NT5E: variants seen among roughly 807,000 people sequenced by gnomAD.
NT5E encodes 5'-nucleotidase ecto.
In NT5E, 53 loss-of-function variants were observed where a neutral mutation model predicts 55.1. The ratio of observed to expected loss-of-function variants is 0.96; its 90% CI spans 0.77 to 1.21. The LOEUF (loss-of-function observed/expected upper bound fraction) is 1.21. Ranked by LOEUF, NT5E falls within the 50% of genes most tolerant of loss-of-function variation. The probability of loss-of-function intolerance (pLI) is 0.00; values close to 1 mark genes in which losing one functional copy is unlikely to be tolerated. For missense variants in NT5E, 683 were observed against 724.3 expected (o/e 0.94, Z 0.65); for synonymous variants, 270 against 278.4 (o/e 0.97, Z 0.30).
At chr6:85,481,040 G>A (rs774552719) in intron 3 of NT5E, among the ~76,000 whole-genome samples, 8 of 152,090 alleles carry the variant, frequency 5.3e-5, no homozygotes, top group African/African-American at 1.4e-4. Context: ...CTCAGGCATC[G>A]CTGGCTTCTA....
chr6:85,477,532 G>A (rs1027763010), intron 3 of NT5E, among the ~76,000 whole-genome samples: 1 of 152,106 alleles, frequency 6.6e-6, no homozygotes, highest in Non-Finnish European at 1.5e-5. Flanking sequence ...TTTTCTTCAT[G>A]CTGCCATCAG....
intron 2 of NT5E, among the ~76,000 whole-genome samples, chr6:85,467,655 T>C (rs1310171982): frequency 6.6e-6 from 1 of 152,218 alleles, no homozygotes; most frequent in East Asian, 1.9e-4. Context: ...GCCAGAGTTT[T>C]ACCTCAATTT....
rs550823297 is a variant in NT5E, at chr6:85,473,606, T to C, written c.751+2181T>C. Among the ~76,000 whole-genome samples the C allele has an allele frequency of 9.5e-4, 145 of 152,274 alleles. 1 individual carries two copies. Among genetic ancestry groups the C allele is most frequent in the African/African-American group, 3.5e-3 (145 of 41,566 alleles). ...AAACACACAAACATATATGTGTGTG[T>C]GCGTTCACATACGAACATGCAAAAG... On this transcript the variant is annotated intron_variant, in intron 3 of 8. Coordinates refer to ENST00000257770, the MANE Select transcript of NT5E (RefSeq NM_002526.4).
intron 3 of NT5E, among the ~76,000 whole-genome samples, chr6:85,482,197 C>T (rs1046328658): frequency 1.3e-5 from 2 of 152,080 alleles, no homozygotes; most frequent in Non-Finnish European, 2.9e-5. Flanking sequence ...TACTTCAGTC[C>T]ATTGAAAACC....
intron 1 of NT5E, among the ~76,000 whole-genome samples, chr6:85,463,826 G>T (rs964479520): frequency 6.6e-6 from 1 of 152,020 alleles, no homozygotes; most frequent in African/African-American, 2.4e-5. Context: ...TGCAATAGAA[G>T]AAAAACTGGT....
chr6:85,473,352 C>T (rs1769356897), intron 3 of NT5E, among the ~76,000 whole-genome samples: 1 of 152,140 alleles, frequency 6.6e-6, no homozygotes, highest in Non-Finnish European at 1.5e-5. Flanking sequence ...GGTAAATGGC[C>T]TTAGCACAGG....
At chr6:85,478,125 A>C (rs1769473298) in intron 3 of NT5E, among the ~76,000 whole-genome samples, 1 of 152,140 alleles carries the variant, frequency 6.6e-6, no homozygotes, top group Non-Finnish European at 1.5e-5. Context: ...GGGTCCTTTC[A>C]GTAAACTTCT....
At chr6:85,493,594 G>A (rs896621455) in intron 8 of NT5E, among the ~76,000 whole-genome samples, 1 of 152,158 alleles carries the variant, frequency 6.6e-6, no homozygotes, top group Non-Finnish European at 1.5e-5. Context: ...TCTTTCTAGA[G>A]TCATCACAGA....
chr6:85,494,458 CA>C lies in NT5E; in HGVS notation c.*459del. The C allele has an allele frequency of 5.3e-6, 1 of 189,258 alleles. No homozygotes were observed. Among genetic ancestry groups the C allele is most frequent in the Non-Finnish European group, 1.1e-5 (1 of 90,554 alleles). 11.7% of individuals were successfully genotyped at this position (189,258 alleles called of 1,614,324 possible). A position where few individuals can be genotyped will look rare whatever the true frequency, so the allele number is the denominator to read the frequency against. Reference sequence around the variant, plus strand: ...CCTGTCAGATGAAAAAACTGAAGCTCAAAAAGGGTTGACTTGACCATACAGC... The same window carrying C: ...CCTGTCAGATGAAAAAACTGAAGCTCAAAAGGGTTGACTTGACCATACAGC... On this transcript the variant is annotated 3_prime_UTR_variant, in exon 9 of 9. Coordinates refer to ENST00000257770, the MANE Select transcript of NT5E (RefSeq NM_002526.4).
At chr6:85,490,102 G>A (rs748351053) in intron 6 of NT5E, among the ~76,000 whole-genome samples, 2 of 152,182 alleles carry the variant, frequency 1.3e-5, no homozygotes, top group African/African-American at 2.4e-5. Context: ...CTGATTTACT[G>A]TGAAAACCAA....
intron 6 of NT5E, 124 bp downstream of exon 6, chr6:85,489,723 C>A: frequency 1.4e-6 from 1 of 737,994 alleles, no homozygotes; most frequent in Non-Finnish European, 2.4e-6. Context: ...CAGCCATGTA[C>A]CAGAATGTCA....
chr6:85,494,281 TA>T lies in NT5E; in HGVS notation c.*280del. 3 of 430,760 alleles carry T rather than the reference TA, an allele frequency of 7.0e-6. No homozygotes were observed. The highest frequency in any genetic ancestry group is 5.9e-5 in the African/African-American group (3 of 50,580). 26.7% of individuals were successfully genotyped at this position (430,760 alleles called of 1,614,324 possible). A position where few individuals can be genotyped will look rare whatever the true frequency, so the allele number is the denominator to read the frequency against. ...TTTAATGAAATTTTACTAACAATTT[TA>T]AACCATATTTTTCTTCTTCATATCC... On this transcript the variant is annotated 3_prime_UTR_variant, in exon 9 of 9. Coordinates refer to ENST00000257770, the MANE Select transcript of NT5E (RefSeq NM_002526.4).
chr6:85,472,521 C>T (rs1769336301), intron 3 of NT5E, among the ~76,000 whole-genome samples: 1 of 152,210 alleles, frequency 6.6e-6, no homozygotes, highest in Non-Finnish European at 1.5e-5. Flanking sequence ...TCCTAATTCA[C>T]TTGAATGACT....
chr6:85,471,409 C>T lies in NT5E; in HGVS notation c.735C>T (p.Asn245=). 6.2e-7 allele frequency: 1 copy of T among 1,612,742 alleles called. No homozygotes were observed. The highest frequency in any genetic ancestry group is 8.5e-7 in the Non-Finnish European group (1 of 1,179,098). Residue 245 remains asparagine, a synonymous_variant, in exon 3 of 9, where the codon AAC becomes AAT. Transcript: ENST00000257770. Reference sequence around the variant, plus strand: ...ACGTCGTGGTGGGAGGACACTCCAACACATTTCTTTACACAGGTAATTGTT... The same window carrying T: ...ACGTCGTGGTGGGAGGACACTCCAATACATTTCTTTACACAGGTAATTGTT... ...GVDVVVGGHS[N]TFLYTGNPPS... is the part of the protein sequence containing the mutation.
Position 85,470,537 on chromosome 6 carries a change from G to A in NT5E, c.563-700G>A, listed in dbSNP as rs552523453. 9.9e-5 allele frequency among the ~76,000 whole-genome samples: 15 copies of A among 152,238 alleles called. No individual in the cohort carries two copies. In the Middle Eastern group the frequency reaches 0.01, roughly 104 times the overall value. On this transcript the variant is annotated intron_variant, in intron 2 of 8. Coordinates refer to ENST00000257770, the MANE Select transcript of NT5E (RefSeq NM_002526.4). ...ATGGTCTCGGCTCATTGCAGCCTCC[G>A]CCTGGCAGGTTCAAGACATTCTCCT...
chr6:85,467,861 TATA>T (rs1179850581), intron 2 of NT5E, among the ~76,000 whole-genome samples: 2 of 151,490 alleles, frequency 1.3e-5, no homozygotes, highest in Non-Finnish European at 2.9e-5. Flanking sequence ...CATATGTATA[TATA>T]ATATATATAA....
At chr6:85,458,777 A>G (rs961262953) in intron 1 of NT5E, among the ~76,000 whole-genome samples, 1 of 152,214 alleles carries the variant, frequency 6.6e-6, no homozygotes, top group Non-Finnish European at 1.5e-5. Flanking sequence ...CTGAATGTTG[A>G]TGTGCCTATT....
In NT5E at chr6:85,489,582, T is replaced by C. The variant is rs745341753; in HGVS notation, c.1193T>C (p.Ile398Thr). Reference sequence around the variant, plus strand: ...AATGGAGGTGGTATCCGGTCGCCCATTGATGAACGCAACAATGGTATGCTC... The same window carrying C: ...AATGGAGGTGGTATCCGGTCGCCCACTGATGAACGCAACAATGGTATGCTC... ...ILNGGGIRSP[I>T]DERNNGTITW... Residue 398 changes from isoleucine to threonine, a missense_variant, in exon 6 of 9, where the codon ATT becomes ACT. Coordinates refer to ENST00000257770, the MANE Select transcript of NT5E (RefSeq NM_002526.4). 30 of 1,613,142 alleles carry C rather than the reference T, an allele frequency of 1.9e-5. No homozygotes were observed. Among genetic ancestry groups the C allele is most frequent in the East Asian group, 1.1e-4 (5 of 44,850 alleles).
intron 3 of NT5E, among the ~76,000 whole-genome samples, chr6:85,483,740 A>G (rs1699892537): frequency 6.6e-6 from 1 of 152,200 alleles, no homozygotes; most frequent in Admixed American, 6.5e-5. Flanking sequence ...ATTCTTCATA[A>G]CATGCTACCC....
Sources: gnomAD v4.1 joint callset for allele counts (sites outside exome capture counted in the v4.1 genomes callset) on GRCh38, gnomAD v4.1.1 for gene constraint, MANE v1.5 for transcripts, NCBI Gene and HGNC (gene_info 2026-07-23, HGNC 2026-07-21) for gene names.